Variants in ANKFN1 observed in about 807,000 individuals in gnomAD.
ANKFN1 encodes ankyrin repeat and fibronectin type III domain containing 1.
ANKFN1 carries 74 observed loss-of-function variants against 108.7 expected under a neutral mutation model. The observed-to-expected ratio is 0.68, with a 90% confidence interval of 0.56 to 0.83. ANKFN1 has a LOEUF of 0.83. Among genes scored for constraint, ANKFN1 ranks in the 40% least tolerant of loss-of-function variants. The pLI, the probability that ANKFN1 is intolerant of heterozygous loss-of-function variation, is 0.00. For synonymous variants in ANKFN1, 547 were observed against 516.2 expected, an observed-to-expected ratio of 1.06 and a Z score of -0.81; for missense variants, 1,505 against 1,382.3, an observed-to-expected ratio of 1.09 and a Z score of -1.41.
intron 1 of ANKFN1, among the ~76,000 whole-genome samples, chr17:56,177,579 T>A (rs1301804332): frequency 6.6e-6 from 1 of 152,204 alleles, no homozygotes; most frequent in Non-Finnish European, 1.5e-5. Context: ...CATCAGTGAC[T>A]CCCACGTTCC....
chr17:56,249,951 A>T (rs932522709), intron 3 of ANKFN1, among the ~76,000 whole-genome samples: 9 of 152,182 alleles, frequency 5.9e-5, no homozygotes, highest in Non-Finnish European at 1.3e-4. Context: ...ATTTCCAAGG[A>T]AAAAACAAAC....
chr17:56,239,578 C>T (rs1051490766), intron 3 of ANKFN1, among the ~76,000 whole-genome samples: 6 of 152,226 alleles, frequency 3.9e-5, no homozygotes, highest in Non-Finnish European at 7.4e-5. Context: ...GAGCTGCTCT[C>T]TTCTCTCTGG....
chr17:56,064,324 A>G (rs1191399682), intron 4 of ANKFN1, among the ~76,000 whole-genome samples: 1 of 152,158 alleles, frequency 6.6e-6, no homozygotes, highest in Non-Finnish European at 1.5e-5. Flanking sequence ...CTCTGTACTA[A>G]CAGGAGGAAA....
chr17:56,420,683 CTTT>C (rs755355387), intron 8 of ANKFN1, among the ~76,000 whole-genome samples: 120 of 119,582 alleles, frequency 1.0e-3, no homozygotes, highest in African/African-American at 2.7e-3. Context: ...CTGACTCCTT[CTTT>C]TTTTTTTTTT....
At chr17:56,231,513 G>C (rs1267968341) in intron 3 of ANKFN1, among the ~76,000 whole-genome samples, 1 of 152,166 alleles carries the variant, frequency 6.6e-6, no homozygotes, top group Non-Finnish European at 1.5e-5. Context: ...GCTAGGCACT[G>C]TGCTGAAGGA....
intron 4 of ANKFN1, among the ~76,000 whole-genome samples, chr17:56,067,588 A>G (rs760547932): frequency 1.3e-5 from 2 of 152,216 alleles, no homozygotes; most frequent in Admixed American, 6.5e-5. Context: ...AGGCTGTCAC[A>G]TTTAGCTAAG....
At chr17:56,222,325 T>C (rs1442054935) in intron 2 of ANKFN1, among the ~76,000 whole-genome samples, 1 of 152,172 alleles carries the variant, frequency 6.6e-6, no homozygotes, top group East Asian at 1.9e-4. Flanking sequence ...CCACTACTAG[T>C]TAGGAGACCC....
chr17:56,290,019 T>C (rs1426851872), intron 3 of ANKFN1, among the ~76,000 whole-genome samples: 2 of 152,220 alleles, frequency 1.3e-5, no homozygotes, highest in Non-Finnish European at 2.9e-5. Flanking sequence ...GCTAGTTAGT[T>C]GTAGGGCTGG....
intron 8 of ANKFN1, among the ~76,000 whole-genome samples, chr17:56,398,272 A>G (rs2047646462): frequency 6.6e-6 from 1 of 152,088 alleles, no homozygotes; most frequent in Non-Finnish European, 1.5e-5. Flanking sequence ...ATGAGTTAAT[A>G]CCTCTCATTT....
intron 3 of ANKFN1, among the ~76,000 whole-genome samples, chr17:56,269,988 T>C (rs1163831096): frequency 6.6e-6 from 1 of 152,246 alleles, no homozygotes; most frequent in African/African-American, 2.4e-5. Flanking sequence ...CAAGCTCTGT[T>C]TAAGAAGAGC....
chr17:56,063,528 G>C lies in ANKFN1; in HGVS notation c.288+17203G>C, dbSNP rs577152695. ...TTAAAACTCTGATATCCTTTCTTCT[G>C]CTTGGTCGATTTGGCTATTGATACT... On this transcript the variant is annotated intron_variant, in intron 4 of 12. Coordinates refer to the ANKFN1 transcript ENST00000635860. 9.9e-5 allele frequency among the ~76,000 whole-genome samples: 15 copies of C among 150,948 alleles called. 1 individual carries two copies. The South Asian group carries it at 3.0e-3, about 30-fold the overall frequency.
chr17:56,177,723 A>G (rs1161316739), intron 1 of ANKFN1, among the ~76,000 whole-genome samples: 3 of 152,204 alleles, frequency 2.0e-5, no homozygotes, highest in Non-Finnish European at 4.4e-5. Flanking sequence ...AGATGTGAAA[A>G]TATTATTTTC....
chr17:56,257,308 C>G (rs564480367), intron 3 of ANKFN1, among the ~76,000 whole-genome samples: 67 of 152,262 alleles, frequency 4.4e-4, no homozygotes, highest in Non-Finnish European at 8.8e-4. Context: ...TCCTGGAGCC[C>G]ATAAGCATCT....
rs2051790604 is a variant in ANKFN1 at position 56,512,021 on chromosome 17, G to A, written c.*752G>A. Among the ~76,000 whole-genome samples, 1 of 152,176 alleles carries A rather than the reference G, an allele frequency of 6.6e-6. No homozygotes were observed. Among genetic ancestry groups the A allele is most frequent in the Non-Finnish European group, 1.5e-5 (1 of 68,034 alleles). ...TCCTGTATACTCAGCTCCCATCCAA[G>A]CATGAAAATGATCCATAGATTTTTA... On this transcript the variant is annotated 3_prime_UTR_variant, in exon 21 of 21. Transcript: ENST00000682825.
At chr17:56,101,594 T>G (rs1905647751) in intron 4 of ANKFN1, among the ~76,000 whole-genome samples, 1 of 152,190 alleles carries the variant, frequency 6.6e-6, no homozygotes, top group African/African-American at 2.4e-5. Context: ...TTAGAAACTT[T>G]TTAAGCAACC....
chr17:56,509,325 C>A (rs2051669920), intron 20 of ANKFN1, among the ~76,000 whole-genome samples: 1 of 152,172 alleles, frequency 6.6e-6, no homozygotes, highest in Non-Finnish European at 1.5e-5. Context: ...CTTCAGGCAA[C>A]AAGCTCTATT....
intron 19 of ANKFN1, among the ~76,000 whole-genome samples, chr17:56,498,182 C>T (rs189368735): frequency 7.9e-5 from 12 of 152,046 alleles, no homozygotes; most frequent in Admixed American, 3.3e-4. Flanking sequence ...CTGTTAAGGC[C>T]GTTTTGAACT....
chr17:56,172,785 T>C (rs1001827580), intron 1 of ANKFN1, among the ~76,000 whole-genome samples: 2 of 152,176 alleles, frequency 1.3e-5, no homozygotes, highest in African/African-American at 4.8e-5. Flanking sequence ...TGTCCCACGC[T>C]GTCTTAAAGG....
At chr17:56,104,875 TA>T (rs1183148738) in intron 4 of ANKFN1, among the ~76,000 whole-genome samples, 1 of 152,214 alleles carries the variant, frequency 6.6e-6, no homozygotes, top group African/African-American at 2.4e-5. Context: ...ACAACTACAT[TA>T]AAAAAACTTT....
Sources: gnomAD v4.1 joint callset for allele counts (sites outside exome capture counted in the v4.1 genomes callset) on GRCh38, gnomAD v4.1.1 for gene constraint, MANE v1.5 for transcripts, NCBI Gene and HGNC (gene_info 2026-07-23, HGNC 2026-07-21) for gene names.